MROH2A: variants seen among roughly 807,000 people sequenced by gnomAD.
MROH2A encodes maestro heat like repeat family member 2A.
MROH2A carries 174 observed loss-of-function variants against 200.4 expected under a neutral mutation model. The observed-to-expected ratio is 0.87, with a 90% confidence interval of 0.77 to 0.98. The LOEUF is 0.98. Among genes scored for constraint, MROH2A ranks in the 50% least tolerant of loss-of-function variants. MROH2A has a pLI of 0.00. For missense variants in MROH2A, 2,045 were observed against 2,139.6 expected (o/e 0.96, Z 0.87); for synonymous variants, 829 against 840.4 (o/e 0.99, Z 0.23).
chr2:233,802,524 T>C (rs1466618461), intron 15 of MROH2A: 1 of 553,006 alleles, frequency 1.8e-6, no homozygotes, highest in Non-Finnish European at 3.1e-6. Context: ...AAACTTCCTT[T>C]GGATAGCTCA....
chr2:233,831,169 G>A (rs1254182017), intron 38 of MROH2A, among the ~76,000 whole-genome samples: 1 of 152,224 alleles, frequency 6.6e-6, no homozygotes, highest in Non-Finnish European at 1.5e-5. Flanking sequence ...GAAGGTGCTG[G>A]CTGAGGGGGC....
Position 233,795,654 on chromosome 2 carries a change from T to A in MROH2A, c.968T>A (p.Val323Asp), listed in dbSNP as rs1559449056. 1 of 1,550,864 alleles carries A rather than the reference T, an allele frequency of 6.4e-7. No homozygotes were observed. Among genetic ancestry groups the A allele is most frequent in the Non-Finnish European group, 8.7e-7 (1 of 1,147,068 alleles). Residue 323 changes from valine (V) to aspartate (D), a missense_variant and splice_region_variant, in exon 9 of 42, where the codon GTC becomes GAC. Coordinates refer to ENST00000389758, the MANE Select transcript of MROH2A (RefSeq NM_001394639.1). ...CCACCATTTGCCAATCCACTGCAGG[T>A]CTTGAGGCAGATCCTGGAACTGTCA... ...GSLEVLFVTQ[V>D]LRQILELSVT...
chr2:233,775,906 T>C (rs993068573), upstream of MROH2A: 1 of 152,244 alleles, frequency 6.6e-6, no homozygotes, highest in Non-Finnish European at 1.5e-5. Flanking sequence ...GATAGTGAGT[T>C]CTCACAAGAT....
At chr2:233,789,409 T>C (rs1701581915) in intron 3 of MROH2A, 88 bp from the exon 4 acceptor site, 15 of 1,236,924 alleles carry the variant, frequency 1.2e-5, no homozygotes, top group African/African-American at 1.6e-5. Context: ...GTGGTTTGGG[T>C]GTAGGGAAGG....
At chr2:233,832,449 C>T in intron 40 of MROH2A, 130 bp from the exon 41 acceptor site, 1 of 983,478 alleles carries the variant, frequency 1.0e-6, no homozygotes, top group Non-Finnish European at 1.5e-6. Context: ...TTTTGGCTTC[C>T]TCCCTGCCAA....
intron 29 of MROH2A, 69 bp from the exon 30 acceptor site, chr2:233,819,248 G>A (rs997687971): frequency 8.2e-6 from 12 of 1,455,862 alleles, no homozygotes; most frequent in Non-Finnish European, 9.3e-6. Context: ...GGTGGGACAG[G>A]GGAGGAGAGA....
chr2:233,798,874 TG>T (rs1368470549), intron 12 of MROH2A, 24 bp downstream of exon 12: 7 of 1,538,628 alleles, frequency 4.5e-6, no homozygotes, highest in Admixed American at 3.9e-5. Flanking sequence ...GACCTGGAAA[TG>T]GGGGGCACTC....
chr2:233,822,578 G>C, intron 33 of MROH2A, 22 bp downstream of exon 33: 5 of 1,543,834 alleles, frequency 3.2e-6, no homozygotes. Flanking sequence ...GGCGGTGGGT[G>C]CAAGGCAGCA....
At chr2:233,802,026 G>T (rs1464031436) in intron 14 of MROH2A, 142 bp from the exon 15 acceptor site, 5 of 927,290 alleles carry the variant, frequency 5.4e-6, no homozygotes, top group Non-Finnish European at 7.7e-6. Context: ...TGGCGGTGGA[G>T]CCAGTTCAGG....
At chr2:233,810,161 T>G (rs1011541630) in intron 22 of MROH2A, among the ~76,000 whole-genome samples, 31 of 152,360 alleles carry the variant, frequency 2.0e-4, no homozygotes, top group African/African-American at 7.0e-4. Context: ...GCTGCTTTGC[T>G]GCCCTCAGGA....
At chr2:233,797,436 A>G (rs545007336) in intron 11 of MROH2A, among the ~76,000 whole-genome samples, 82 of 152,360 alleles carry the variant, frequency 5.4e-4, no homozygotes, top group African/African-American at 1.8e-3. Context: ...AATAAACAAT[A>G]TATCTGCATA....
At chr2:233,813,250 T>C (rs1236609006) in intron 24 of MROH2A, among the ~76,000 whole-genome samples, 1 of 150,734 alleles carries the variant, frequency 6.6e-6, no homozygotes, top group African/African-American at 2.4e-5. Flanking sequence ...GAATTTGTGT[T>C]TCTCATAAAT....
At chr2:233,826,486 TA>T (rs1310955131) in intron 35 of MROH2A, among the ~76,000 whole-genome samples, 1 of 152,160 alleles carries the variant, frequency 6.6e-6, no homozygotes, top group East Asian at 1.9e-4. Flanking sequence ...ATTCCATATT[TA>T]AAAAATAGTG....
In MROH2A at chr2:233,823,608, C is replaced by A; in HGVS notation, c.4057C>A (p.Leu1353Ile). Residue 1353 changes from leucine (L) to isoleucine (I), a missense_variant, in exon 35 of 42, where the codon CTC becomes ATC. By Grantham distance (5) the Leu-to-Ile change is conservative. Around this residue, in one of 3 missense-constraint regions of MROH2A, gnomAD observed 1,201 missense variants for 1,311.3 expected, o/e 0.92. Transcript: ENST00000389758. Reference protein sequence around the residue: ...GHRQRLAELVLRGMDSEVLSC... With the variant: ...GHRQRLAELVIRGMDSEVLSC... The stretch of plus-strand genomic sequence containing the variant: ...CAGGCAGAGGCTGGCCGAGCTGGTG[C>A]TCAGGGGCATGGACTCAGAAGTCCT... The A allele has an allele frequency of 6.4e-7, 1 of 1,550,460 alleles. No homozygotes were observed. Among genetic ancestry groups the A allele is most frequent in the Non-Finnish European group, 8.7e-7 (1 of 1,146,966 alleles).
intron 13 of MROH2A, 68 bp from the exon 14 acceptor site, chr2:233,800,137 A>G: frequency 8.2e-7 from 1 of 1,221,102 alleles, no homozygotes; most frequent in South Asian, 1.5e-5. Flanking sequence ...GAGTGAGGAG[A>G]CCACACCTGA....
chr2:233,804,536 A>G lies in MROH2A; in HGVS notation c.1933A>G (p.Lys645Glu). The change falls in exon 18 of 42, where the codon AAG becomes GAG. Residue 645 changes from lysine (K) to glutamate (E), a missense_variant. Lys to Glu is a moderately conservative substitution (Grantham distance 56). Transcript: ENST00000389758. Reference protein sequence around the residue: ...FTWDQKAWEDKLIQFLRNSLK... With the variant: ...FTWDQKAWEDELIQFLRNSLK... ...TTGGGATCAGAAAGCCTGGGAAGAC[A>G]AGCTGATTCAGGTAAACGGGTAACA... The G allele has an allele frequency of 3.2e-6, 5 of 1,551,296 alleles. No individual in the cohort carries two copies. Among genetic ancestry groups the G allele is most frequent in the Non-Finnish European group, 4.4e-6 (5 of 1,147,154 alleles).
In MROH2A at chr2:233,828,591, C is replaced by G. The variant is rs1416803874; in HGVS notation, c.4114-39C>G. 5.8e-6 allele frequency: 9 copies of G among 1,540,840 alleles called. No individual in the cohort carries two copies. Among genetic ancestry groups the G allele is most frequent in the Non-Finnish European group, 7.9e-6 (9 of 1,139,852 alleles). The stretch of plus-strand genomic sequence containing the variant: ...TCCCACCTTGCTGCTGAGAAATGAG[C>G]CCGCCCTGGGGATAACTGCCCAATG... On this transcript the variant is annotated intron_variant, in intron 35 of 41. Transcript: ENST00000389758. The surrounding 1 kb of genome is among the most constrained non-coding windows in gnomAD (Gnocchi z 4.6).
chr2:233,787,371 A>G (rs1258861074), intron 3 of MROH2A, among the ~76,000 whole-genome samples: 1 of 147,734 alleles, frequency 6.8e-6, no homozygotes, highest in Non-Finnish European at 1.5e-5. Flanking sequence ...GACAAAGAAA[A>G]TTTTACTTTT....
At chr2:233,818,489 G>T (rs926973453) in intron 28 of MROH2A, among the ~76,000 whole-genome samples, 163 bp from the exon 29 acceptor site, 1 of 152,106 alleles carries the variant, frequency 6.6e-6, no homozygotes, top group Non-Finnish European at 1.5e-5. Context: ...GGCAGAGGCC[G>T]CCACAGGGAA....
Sources: gnomAD v4.1 joint callset for allele counts (sites outside exome capture counted in the v4.1 genomes callset) on GRCh38, gnomAD v4.1.1 for gene constraint, gnomAD v4.1.1 regional missense constraint, Gnocchi (gnomAD v3.1) non-coding constraint, MANE v1.5 for transcripts, NCBI Gene and HGNC (gene_info 2026-07-23, HGNC 2026-07-21) for gene names.